ADARB2: variants seen among roughly 807,000 people sequenced by gnomAD.
ADARB2 encodes inactive double-stranded RNA-specific editase B2.
A neutral mutation model predicts 62.2 loss-of-function variants in ADARB2; 25 were observed. The observed-to-expected ratio is 0.40, with a 90% CI of 0.29 to 0.56. ADARB2 has a LOEUF of 0.56. Ranked by LOEUF, ADARB2 falls within the 20% of genes least tolerant of loss-of-function variation. The probability of loss-of-function intolerance (pLI) is 0.43; values close to 1 mark genes in which losing one functional copy is unlikely to be tolerated. For synonymous variants in ADARB2, 572 were observed against 500.8 expected (o/e 1.14, Z -1.90); for missense variants, 1,071 against 1,077.4 (o/e 0.99, Z 0.08).
chr10:1,360,063 C>G (rs1832237699), intron 3 of ADARB2, among the ~76,000 whole-genome samples: 1 of 152,258 alleles, frequency 6.6e-6, no homozygotes, highest in Non-Finnish European at 1.5e-5. Context: ...TCTACCGAAA[C>G]ACCATGGATC....
intron 3 of ADARB2, among the ~76,000 whole-genome samples, chr10:1,273,040 C>G (rs1049901880): frequency 5.3e-5 from 8 of 152,210 alleles, no homozygotes; most frequent in Non-Finnish European, 1.2e-4. Context: ...GTGTCTGTGT[C>G]TGCTCTTCTG....
In ADARB2 at chr10:1,235,142, C is replaced by A. The variant is rs1271956041; in HGVS notation, c.1362-1297G>T. Among the ~76,000 whole-genome samples the A allele has an allele frequency of 3.3e-5, 5 of 151,302 alleles. No homozygotes were observed. In the East Asian group the frequency reaches 7.8e-4, roughly 24 times the overall value. On this transcript the variant is annotated intron_variant, in intron 5 of 9. Transcript: ENST00000381312. ...TGATTCTGTGGATTTGCCAGTGCTG[C>A]TCATGGCCATACCTCACAGTGGACT...
Position 1,185,055 on chromosome 10 carries a change from G to A in ADARB2, c.1865-16C>T. 1 of 1,605,502 alleles carries A rather than the reference G, an allele frequency of 6.2e-7. No homozygotes were observed. Among genetic ancestry groups the A allele is most frequent in the Non-Finnish European group, 8.5e-7 (1 of 1,175,352 alleles). On this transcript the variant is annotated splice_polypyrimidine_tract_variant and intron_variant, in intron 8 of 9. Transcript: ENST00000381312. ...TCACTCACGCCTGTCGGGGAGATGG[G>A]GAAAGGCGGGCGTTAATATTCCTGG...
At chr10:1,256,258 C>CT (rs1554749109) in intron 4 of ADARB2, among the ~76,000 whole-genome samples, 1 of 152,234 alleles carries the variant, frequency 6.6e-6, no homozygotes, top group Non-Finnish European at 1.5e-5. Context: ...CTTTCCAACT[C>CT]TCCCCGCTAC....
At chr10:1,280,960 G>A (rs948617346) in intron 3 of ADARB2, among the ~76,000 whole-genome samples, 2 of 152,178 alleles carry the variant, frequency 1.3e-5, no homozygotes, top group East Asian at 1.9e-4. Context: ...TTTATAGTGC[G>A]CCACTGGCTT....
chr10:1,386,917 AT>A (rs994251047), intron 1 of ADARB2, among the ~76,000 whole-genome samples: 1 of 151,886 alleles, frequency 6.6e-6, no homozygotes, highest in African/African-American at 2.4e-5. Flanking sequence ...ATAAAAGTAT[AT>A]TTTCTGGCCA....
chr10:1,390,360 C>T (rs1472677761), intron 1 of ADARB2, among the ~76,000 whole-genome samples: 1 of 152,122 alleles, frequency 6.6e-6, no homozygotes, highest in Non-Finnish European at 1.5e-5. Flanking sequence ...TGAAAAGATG[C>T]TGTATTTAGA....
At chr10:1,445,930 A>C (rs1375415098) in intron 1 of ADARB2, among the ~76,000 whole-genome samples, 1 of 152,224 alleles carries the variant, frequency 6.6e-6, no homozygotes, top group Non-Finnish European at 1.5e-5. Context: ...AAGGAAAAGC[A>C]GGTGAAAAAT....
At chr10:1,334,872 C>T (rs1831959474) in intron 3 of ADARB2, among the ~76,000 whole-genome samples, 2 of 152,212 alleles carry the variant, frequency 1.3e-5, no homozygotes, top group South Asian at 4.1e-4. Flanking sequence ...ACCCTCAGTG[C>T]ATCTCCAGAA....
chr10:1,319,786 A>G (rs1466583455), intron 3 of ADARB2, among the ~76,000 whole-genome samples: 1 of 152,220 alleles, frequency 6.6e-6, no homozygotes, highest in Non-Finnish European at 1.5e-5. Context: ...TCTGGGAATT[A>G]GACAGTATAA....
intron 1 of ADARB2, among the ~76,000 whole-genome samples, chr10:1,581,858 G>A (rs894926903): frequency 2.7e-5 from 4 of 150,142 alleles, no homozygotes; most frequent in Non-Finnish European, 5.9e-5. Context: ...GTGTGTGTGT[G>A]TGTGTGTGTG....
intron 1 of ADARB2, among the ~76,000 whole-genome samples, chr10:1,442,879 A>C (rs765669030): frequency 1.3e-5 from 2 of 152,188 alleles, no homozygotes; most frequent in Non-Finnish European, 2.9e-5. Flanking sequence ...GGACAAGAGG[A>C]AAAACAAAAA....
intron 1 of ADARB2, among the ~76,000 whole-genome samples, chr10:1,460,321 A>G (rs111283515): frequency 6.3e-5 from 2 of 31,502 alleles, no homozygotes; most frequent in Admixed American, 3.3e-4. Context: ...CCTGCATAAC[A>G]AACCTGCCTG....
intron 4 of ADARB2, among the ~76,000 whole-genome samples, chr10:1,267,210 G>A (rs1831213495): frequency 6.6e-6 from 1 of 151,580 alleles, no homozygotes; most frequent in South Asian, 2.1e-4. Flanking sequence ...ATGTGAGGCA[G>A]GTCAGAAATA....
At chr10:1,525,881 G>A (rs999452857) in intron 1 of ADARB2, among the ~76,000 whole-genome samples, 2 of 152,088 alleles carry the variant, frequency 1.3e-5, no homozygotes, top group African/African-American at 4.8e-5. Flanking sequence ...GTTTATGTGC[G>A]TGTATGTGCA....
chr10:1,477,518 G>A lies in ADARB2; in HGVS notation c.101-98358C>T, dbSNP rs144720598. Among the ~76,000 whole-genome samples, 175 of 152,094 alleles carry A rather than the reference G, an allele frequency of 1.2e-3. 1 individual carries two copies. The East Asian group carries it at 0.013, about 11-fold the overall frequency. ...TCTTCGTGCTTTCTCTAATAAATCT[G>A]CCTTCTTTACCCACGACTGTCTTGG... On this transcript the variant is annotated intron_variant, in intron 1 of 9. Coordinates refer to ENST00000381312, the MANE Select transcript of ADARB2 (RefSeq NM_018702.4). This position sits in a 1 kb window ranked among gnomAD's most constrained non-coding sequence, Gnocchi z 4.5.
intron 1 of ADARB2, among the ~76,000 whole-genome samples, chr10:1,633,312 T>G (rs1833865313): frequency 1.3e-5 from 2 of 152,152 alleles, no homozygotes; most frequent in African/African-American, 4.8e-5. Context: ...TGAGTGTCCC[T>G]AATCAAAAAA....
At chr10:1,568,890 T>C (rs893174517) in intron 1 of ADARB2, among the ~76,000 whole-genome samples, 3 of 152,154 alleles carry the variant, frequency 2.0e-5, no homozygotes, top group African/African-American at 7.2e-5. Context: ...CCCATTTGTC[T>C]TGAGCCTCTG....
intron 1 of ADARB2, among the ~76,000 whole-genome samples, chr10:1,604,513 G>C (rs999488189): frequency 2.0e-5 from 3 of 152,172 alleles, no homozygotes; most frequent in Admixed American, 2.0e-4. Context: ...TCCAGGGAGA[G>C]GCCAGGCACT....
Sources: gnomAD v4.1 joint callset for allele counts (sites outside exome capture counted in the v4.1 genomes callset) on GRCh38, gnomAD v4.1.1 for gene constraint, Gnocchi (gnomAD v3.1) non-coding constraint, MANE v1.5 for transcripts, NCBI Gene and HGNC (gene_info 2026-07-23, HGNC 2026-07-21) for gene names.